The following PRKD1 variants were observed in gnomAD, a reference collection of about 807,000 sequenced individuals.
PRKD1 encodes the protein serine/threonine-protein kinase D1.
In PRKD1, 63 loss-of-function variants were observed where a neutral mutation model predicts 95.9. The observed-to-expected ratio is 0.66, with a 90% CI of 0.54 to 0.81. PRKD1 has a LOEUF of 0.81. PRKD1 is among the 30% of genes least tolerant of loss of function. PRKD1 has a pLI of 0.00. For synonymous variants in PRKD1, 425 were observed against 423.1 expected, an observed-to-expected ratio of 1.00 and a Z score of -0.05; for missense variants, 1,048 against 1,165.3, an observed-to-expected ratio of 0.90 and a Z score of 1.47.
intron 1 of PRKD1, among the ~76,000 whole-genome samples, chr14:29,808,940 T>C (rs1890365240): frequency 6.6e-6 from 1 of 152,252 alleles, no homozygotes; most frequent in African/African-American, 2.4e-5. Flanking sequence ...GAAATCACTA[T>C]ATCAATGGCA....
chr14:29,782,195 G>A (rs1387608032), intron 1 of PRKD1, among the ~76,000 whole-genome samples: 1 of 152,124 alleles, frequency 6.6e-6, no homozygotes, highest in Non-Finnish European at 1.5e-5. Context: ...TGATGTACTG[G>A]TAAACATTTT....
intron 13 of PRKD1, among the ~76,000 whole-genome samples, chr14:29,613,374 T>G (rs1878616685): frequency 1.3e-5 from 2 of 152,222 alleles, no homozygotes; most frequent in East Asian, 1.9e-4. Context: ...TACTTACTCC[T>G]GATCATCCAG....
Position 29,576,914 on chromosome 14 carries a change from A to G in PRKD1, c.*324T>C. 1 of 351,648 alleles carries G rather than the reference A, an allele frequency of 2.8e-6. No individual in the cohort carries two copies. The highest frequency in any genetic ancestry group is 5.4e-6 in the Non-Finnish European group (1 of 184,288). 21.8% of individuals were successfully genotyped at this position (351,648 alleles called of 1,614,324 possible). A position where few individuals can be genotyped will look rare whatever the true frequency, so the allele number is the denominator to read the frequency against. On this transcript the variant is annotated 3_prime_UTR_variant, in exon 18 of 18. Coordinates refer to ENST00000331968, the MANE Select transcript of PRKD1 (RefSeq NM_002742.3). The stretch of plus-strand genomic sequence containing the variant: ...TCACAGATACATTCTGTCTCTTACC[A>G]AAATGAAGCTCCAGTAAGAAAAACA...
intron 2 of PRKD1, among the ~76,000 whole-genome samples, chr14:29,721,181 CTCT>C (rs1441373802): frequency 6.6e-6 from 1 of 152,206 alleles, no homozygotes; most frequent in African/African-American, 2.4e-5. Flanking sequence ...ACAGTGCCAG[CTCT>C]CTAATGAGGC....
intron 1 of PRKD1, among the ~76,000 whole-genome samples, chr14:29,768,904 G>T (rs1888380690): frequency 1.3e-5 from 2 of 152,018 alleles, no homozygotes; most frequent in South Asian, 4.1e-4. Context: ...TGCTTCTCAG[G>T]ACTAGCATGA....
At chr14:29,607,900 C>G (rs1878127304) in intron 13 of PRKD1, among the ~76,000 whole-genome samples, 1 of 152,144 alleles carries the variant, frequency 6.6e-6, no homozygotes, top group Non-Finnish European at 1.5e-5. Flanking sequence ...TTCTGCCTAC[C>G]ACACCATACA....
At chr14:29,747,780 A>G (rs576843963) in intron 1 of PRKD1, among the ~76,000 whole-genome samples, 1 of 152,176 alleles carries the variant, frequency 6.6e-6, no homozygotes, top group African/African-American at 2.4e-5. Context: ...GTCTCACTCC[A>G]TTGTCCAGGC....
intron 1 of PRKD1, among the ~76,000 whole-genome samples, chr14:29,819,711 T>C (rs1890834569): frequency 6.6e-6 from 1 of 151,498 alleles, no homozygotes; most frequent in Non-Finnish European, 1.5e-5. Context: ...TAAAATAAAA[T>C]AACATAAAAT....
At chr14:29,593,291 A>C (rs1312223959) in intron 16 of PRKD1, among the ~76,000 whole-genome samples, 1 of 152,084 alleles carries the variant, frequency 6.6e-6, no homozygotes, top group African/African-American at 2.4e-5. Flanking sequence ...GTTTTCTTCA[A>C]ATTTTCTCTT....
intron 16 of PRKD1, among the ~76,000 whole-genome samples, chr14:29,580,565 G>C (rs1162409664): frequency 6.6e-6 from 1 of 152,046 alleles, no homozygotes; most frequent in Non-Finnish European, 1.5e-5. Flanking sequence ...TTGGGACCAC[G>C]GTATTAGTGA....
At chr14:29,590,819 C>T (rs756043530) in intron 16 of PRKD1, among the ~76,000 whole-genome samples, 23 of 152,140 alleles carry the variant, frequency 1.5e-4, no homozygotes, top group Admixed American at 6.6e-4. Context: ...GAGACAGAGT[C>T]TGGCTCTGTC....
chr14:29,698,524 T>G lies in PRKD1; in HGVS notation c.403+27012A>C, dbSNP rs45504394. 3.1e-3 allele frequency among the ~76,000 whole-genome samples: 466 copies of G among 152,262 alleles called. 2 individuals are homozygous for G. Among genetic ancestry groups the G allele is most frequent in the African/African-American group, 0.011 (450 of 41,570 alleles). On this transcript the variant is annotated intron_variant, in intron 2 of 17. Coordinates refer to ENST00000331968, the MANE Select transcript of PRKD1 (RefSeq NM_002742.3). Reference sequence around the variant, plus strand: ...TTGTCATATAAGTTTAAATAGTACATAAAAACCTAACTTTTCCAATTCCTT... The same window carrying G: ...TTGTCATATAAGTTTAAATAGTACAGAAAAACCTAACTTTTCCAATTCCTT...
At chr14:29,861,679 G>A (rs1016059504) in intron 1 of PRKD1, among the ~76,000 whole-genome samples, 2 of 152,130 alleles carry the variant, frequency 1.3e-5, no homozygotes, top group African/African-American at 4.8e-5. Context: ...CTGAGATGGA[G>A]TCTTGCTCTG....
chr14:29,778,135 A>T (rs1888860306), intron 1 of PRKD1, among the ~76,000 whole-genome samples: 1 of 152,128 alleles, frequency 6.6e-6, no homozygotes, highest in East Asian at 1.9e-4. Context: ...TCTGGGACAC[A>T]TTTAAAGCAC....
At position 29,826,684 on chromosome 14, in the gene PRKD1, T is replaced by C. The variant is rs867539568; in HGVS notation, c.264+100565A>G. On this transcript the variant is annotated intron_variant, in intron 1 of 17. Coordinates refer to ENST00000331968, the MANE Select transcript of PRKD1 (RefSeq NM_002742.3). ...GTGTGTATATATGTGTATATATATA[T>C]ACACACATATATATACATATATACA... is the stretch of plus-strand genomic sequence containing the variant. Among the ~76,000 whole-genome samples, 72 of 48,152 alleles carry C rather than the reference T, an allele frequency of 1.5e-3. 11 individuals carry two copies. The highest frequency in any genetic ancestry group is 6.1e-3 in the Admixed American group (23 of 3,748). The allele number at this position is 48,152 out of a possible 152,430, so 31.6% of individuals were successfully genotyped here.
chr14:29,727,366 G>GT (rs1886210828), intron 1 of PRKD1, among the ~76,000 whole-genome samples: 1 of 151,432 alleles, frequency 6.6e-6, no homozygotes, highest in Non-Finnish European at 1.5e-5. Flanking sequence ...TCTGATGGTA[G>GT]TTTCTTTTGC....
At chr14:29,618,202 A>G (rs1878997080) in intron 13 of PRKD1, among the ~76,000 whole-genome samples, 1 of 152,222 alleles carries the variant, frequency 6.6e-6, no homozygotes, top group Non-Finnish European at 1.5e-5. Context: ...GAAAATTCAA[A>G]AACAATATAC....
At chr14:29,925,100 ACAGT>A (rs1895250991) in intron 1 of PRKD1, among the ~76,000 whole-genome samples, 1 of 152,148 alleles carries the variant, frequency 6.6e-6, no homozygotes, top group African/African-American at 2.4e-5. Context: ...ACTATTCCAA[ACAGT>A]CAAACTTTTC....
chr14:29,825,511 G>A (rs749455971), intron 1 of PRKD1, among the ~76,000 whole-genome samples: 39 of 140,926 alleles, frequency 2.8e-4, no homozygotes, highest in Non-Finnish European at 6.2e-4. Flanking sequence ...CAGTGGGGTC[G>A]AAGATGTAAA....
Sources: allele counts gnomAD v4.1 joint callset (sites outside exome capture counted in the v4.1 genomes callset), GRCh38; gene constraint gnomAD v4.1.1; transcripts MANE v1.5; gene names NCBI Gene and HGNC (gene_info 2026-07-23, HGNC 2026-07-21).